Variants in PIAS1 observed in about 807,000 individuals in gnomAD.
PIAS1 encodes the protein E3 SUMO-protein ligase PIAS1.
Under a neutral mutation model 71.3 loss-of-function variants are expected in PIAS1, and 6 were observed. The ratio of observed to expected loss-of-function variants is 0.08; its 90% CI spans 0.05 to 0.17. The LOEUF (loss-of-function observed/expected upper bound fraction) is 0.17. Ranked by LOEUF, PIAS1 falls within the 10% of genes least tolerant of loss-of-function variation. The pLI is 1.00. For missense variants in PIAS1, 555 were observed against 793.6 expected (o/e 0.70, Z 3.61); for synonymous variants, 303 against 292.9 (o/e 1.03, Z -0.35).
At chr15:68,090,691 T>C (rs1172348075) in intron 2 of PIAS1, among the ~76,000 whole-genome samples, 7 of 152,266 alleles carry the variant, frequency 4.6e-5, no homozygotes, top group African/African-American at 1.7e-4. Flanking sequence ...GTGGCTATGA[T>C]AGGGATGGGA....
intron 2 of PIAS1, among the ~76,000 whole-genome samples, chr15:68,088,176 G>GTGTGTGTATATATATA (rs150997979): frequency 4.1e-5 from 3 of 72,998 alleles, no homozygotes; most frequent in East Asian, 7.3e-4. Context: ...TTATGTGTGT[G>GTGTGTGTATATATATA]TATATATATA....
intron 2 of PIAS1, among the ~76,000 whole-genome samples, chr15:68,116,052 T>C (rs1009625244): frequency 3.3e-5 from 5 of 152,126 alleles, no homozygotes; most frequent in African/African-American, 1.2e-4. Flanking sequence ...ATAGAATGAG[T>C]TAAGCATTTC....
At chr15:68,164,971 A>G (rs2092948018) in intron 8 of PIAS1, among the ~76,000 whole-genome samples, 167 bp downstream of exon 8, 1 of 152,228 alleles carries the variant, frequency 6.6e-6, no homozygotes, top group Non-Finnish European at 1.5e-5. Context: ...TGGAATCTAA[A>G]CAAGTCTTTA....
chr15:68,180,890 T>C (rs1023866947), intron 11 of PIAS1, among the ~76,000 whole-genome samples: 2 of 152,212 alleles, frequency 1.3e-5, no homozygotes, highest in Non-Finnish European at 2.9e-5. Flanking sequence ...TTCACTCATA[T>C]CCCGTTAAAG....
chr15:68,108,928 C>G (rs1452644817), intron 2 of PIAS1, among the ~76,000 whole-genome samples: 2 of 152,146 alleles, frequency 1.3e-5, no homozygotes, highest in Admixed American at 6.5e-5. Context: ...ATCTCTGTGC[C>G]TACCTTTGTT....
At chr15:68,078,008 G>C (rs1453689326) in intron 1 of PIAS1, among the ~76,000 whole-genome samples, 1 of 152,160 alleles carries the variant, frequency 6.6e-6, no homozygotes, top group Non-Finnish European at 1.5e-5. Flanking sequence ...AGGGTATACT[G>C]TTCATTGTCT....
chr15:68,143,307 T>A (rs2092785103), intron 4 of PIAS1, among the ~76,000 whole-genome samples: 1 of 151,972 alleles, frequency 6.6e-6, no homozygotes, highest in Admixed American at 6.6e-5. Context: ...ACTAGGAGGC[T>A]AAAAAAGGGA....
chr15:68,058,290 G>T (rs78376299), intron 1 of PIAS1, among the ~76,000 whole-genome samples: 1 of 152,164 alleles, frequency 6.6e-6, no homozygotes, highest in Non-Finnish European at 1.5e-5. Flanking sequence ...CTTTTTTAAT[G>T]TTTGAATAAT....
intron 2 of PIAS1, among the ~76,000 whole-genome samples, chr15:68,097,986 C>T (rs147679879): frequency 6.6e-6 from 1 of 152,046 alleles, no homozygotes; most frequent in Non-Finnish European, 1.5e-5. Flanking sequence ...GTATAGGGCT[C>T]TAATTTTATT....
intron 2 of PIAS1, among the ~76,000 whole-genome samples, chr15:68,090,397 A>C (rs2092323367): frequency 6.6e-6 from 1 of 150,524 alleles, no homozygotes; most frequent in South Asian, 2.1e-4. Context: ...TGTAGAGTTG[A>C]GGTCTCATTA....
intron 2 of PIAS1, among the ~76,000 whole-genome samples, chr15:68,127,586 T>C (rs2092659638): frequency 6.6e-6 from 1 of 152,140 alleles, no homozygotes; most frequent in African/African-American, 2.4e-5. Flanking sequence ...CCCTCCTATT[T>C]CTTTCTCCTC....
chr15:68,057,675 CAGAT>C lies in PIAS1; in HGVS notation c.24+3329_24+3332del, dbSNP rs1469575604. The C allele has an allele frequency of 1.1e-5, 3 of 262,780 alleles. 1 individual carries two copies. The highest frequency in any genetic ancestry group is 3.5e-5 in the South Asian group (1 of 28,582). The allele number at this position is 262,780 out of a possible 1,614,324, so 16.3% of individuals were successfully genotyped here. On this transcript the variant is annotated intron_variant, in intron 1 of 13. Coordinates refer to ENST00000249636, the MANE Select transcript of PIAS1 (RefSeq NM_016166.3). The stretch of plus-strand genomic sequence containing the variant: ...CGCTGTAATTTGTCTGCTTTTATTT[CAGAT>C]AGAGTCAAGTACATCTGATAGTTTA...
intron 6 of PIAS1, among the ~76,000 whole-genome samples, chr15:68,147,392 G>A (rs1380608887): frequency 6.6e-6 from 1 of 152,066 alleles, no homozygotes; most frequent in Non-Finnish European, 1.5e-5. Flanking sequence ...TTTTAAAACT[G>A]TATCCGTGTC....
chr15:68,078,119 T>G (rs1278354271), intron 1 of PIAS1, among the ~76,000 whole-genome samples: 1 of 152,224 alleles, frequency 6.6e-6, no homozygotes, highest in African/African-American at 2.4e-5. Context: ...TTTTAGAATT[T>G]AATAGACTTA....
At chr15:68,182,773 G>C (rs775463767) in intron 12 of PIAS1, among the ~76,000 whole-genome samples, 4 of 151,990 alleles carry the variant, frequency 2.6e-5, no homozygotes, top group Admixed American at 6.6e-5. Flanking sequence ...TTTTCTACAT[G>C]TATGAAACGC....
intron 12 of PIAS1, among the ~76,000 whole-genome samples, chr15:68,183,061 A>G (rs1455228659): frequency 6.6e-6 from 1 of 152,236 alleles, no homozygotes; most frequent in Non-Finnish European, 1.5e-5. Flanking sequence ...GCAGCCAGGT[A>G]GCAGAACTAC....
chr15:68,090,713 G>A lies in PIAS1; in HGVS notation c.469+3963G>A, dbSNP rs185522779. ...TGATAGGGATGGGAAATAGAGTAGGGAAGAATGGTATTCTTCCTCTTATTG... is the reference window on the plus strand; with the variant it reads ...TGATAGGGATGGGAAATAGAGTAGGAAAGAATGGTATTCTTCCTCTTATTG... On this transcript the variant is annotated intron_variant, in intron 2 of 13. Transcript: ENST00000249636. Among the ~76,000 whole-genome samples the A allele has an allele frequency of 2.9e-3, 439 of 152,116 alleles. 2 individuals carry two copies. Among genetic ancestry groups the A allele is most frequent in the Non-Finnish European group, 5.0e-3 (343 of 67,988 alleles).
chr15:68,132,405 G>A (rs1478894707), intron 2 of PIAS1, among the ~76,000 whole-genome samples: 2 of 152,082 alleles, frequency 1.3e-5, no homozygotes, highest in Non-Finnish European at 2.9e-5. Context: ...AACCTGGGAG[G>A]TGGAGGTTGC....
chr15:68,083,010 A>G (rs537676378), intron 1 of PIAS1, among the ~76,000 whole-genome samples: 1 of 152,290 alleles, frequency 6.6e-6, no homozygotes, highest in African/African-American at 2.4e-5. Flanking sequence ...GAGGCATTCT[A>G]AATCCCCTAG....
Sources: gnomAD v4.1 joint callset for allele counts (sites outside exome capture counted in the v4.1 genomes callset) on GRCh38, gnomAD v4.1.1 for gene constraint, MANE v1.5 for transcripts, NCBI Gene and HGNC (gene_info 2026-07-23, HGNC 2026-07-21) for gene names.